Variants in CPS1 observed in about 807,000 individuals in gnomAD.
CPS1 encodes the protein carbamoyl-phosphate synthase [ammonia], mitochondrial.
CPS1 carries 109 observed loss-of-function variants against 174.6 expected under a neutral mutation model. The observed-to-expected ratio is 0.62, with a 90% CI of 0.53 to 0.73. The LOEUF (loss-of-function observed/expected upper bound fraction) is 0.73. Ranked by LOEUF, CPS1 falls within the 30% of genes least tolerant of loss-of-function variation. CPS1 has a pLI of 0.00. For missense variants in CPS1, 1,689 were observed against 1,821.9 expected (o/e 0.93, Z 1.33); for synonymous variants, 637 against 632.0 (o/e 1.01, Z -0.12).
At chr2:210,588,244 C>T (rs553358575) in intron 7 of CPS1, 97 bp downstream of exon 7, 2 of 1,002,592 alleles carry the variant, frequency 2.0e-6, no homozygotes, top group South Asian at 2.6e-5. Context: ...TGCATTCTTT[C>T]AGAATGTCAG....
rs773609569 is a variant in CPS1 at position 210,642,643 on chromosome 2, T to C, written c.3119T>C (p.Ile1040Thr). 6.2e-7 allele frequency: 1 copy of C among 1,613,570 alleles called. No homozygotes were observed. Among genetic ancestry groups the C allele is most frequent in the Non-Finnish European group, 8.5e-7 (1 of 1,179,864 alleles). Residue 1040 changes from isoleucine to threonine, a missense_variant, in exon 25 of 38, where the codon ATC becomes ACC. Physicochemically the swap from Ile to Thr is moderately conservative, Grantham distance 89. Transcript: ENST00000233072. ...LYFEELSLER[I>T]LDIYHQEACG... ...TTTGAAGAGTTGTCCTTGGAGAGAA[T>C]CCTAGACATCTACCATCAGGAGGTA...
chr2:210,535,941 T>G (rs905534353), intron 1 of CPS1, among the ~76,000 whole-genome samples: 2 of 149,814 alleles, frequency 1.3e-5, no homozygotes, highest in African/African-American at 4.9e-5. Flanking sequence ...CCATCTAAAG[T>G]AGGTGCCAAC....
chr2:210,489,693 G>A (rs1040569406), intron 1 of CPS1, among the ~76,000 whole-genome samples: 27 of 151,940 alleles, frequency 1.8e-4, no homozygotes, highest in African/African-American at 6.5e-4. Context: ...ACAAGCTGTG[G>A]GACTTCAATC....
intron 19 of CPS1, among the ~76,000 whole-genome samples, chr2:210,609,495 T>C (rs1699034576): frequency 6.6e-6 from 1 of 152,016 alleles, no homozygotes; most frequent in African/African-American, 2.4e-5. Flanking sequence ...ATTCTTATAA[T>C]ACCCCCTCTT....
intron 1 of CPS1, among the ~76,000 whole-genome samples, chr2:210,570,977 A>G (rs1559081833): frequency 1.3e-5 from 2 of 151,978 alleles, no homozygotes; most frequent in Non-Finnish European, 2.9e-5. Flanking sequence ...TCTGTCTTGA[A>G]TTGTAATTAG....
chr2:210,638,643 A>G (rs1415004794), intron 22 of CPS1, among the ~76,000 whole-genome samples: 2 of 152,088 alleles, frequency 1.3e-5, no homozygotes, highest in Non-Finnish European at 1.5e-5. Flanking sequence ...GGCCCTTGAG[A>G]GTGGAATTGA....
intron 1 of CPS1, among the ~76,000 whole-genome samples, chr2:210,491,009 C>T (rs1694859571): frequency 5.3e-5 from 8 of 152,088 alleles, no homozygotes; most frequent in Admixed American, 5.2e-4. Context: ...TGGAAAATCC[C>T]CTTGAGGACT....
intron 34 of CPS1, among the ~76,000 whole-genome samples, chr2:210,669,180 A>C (rs1320628975): frequency 1.3e-5 from 2 of 152,166 alleles, no homozygotes; most frequent in Non-Finnish European, 2.9e-5. Context: ...TATAAATCTT[A>C]GGGCAAAATG....
chr2:210,615,219 T>A (rs935504351), intron 20 of CPS1, among the ~76,000 whole-genome samples: 1 of 151,200 alleles, frequency 6.6e-6, no homozygotes, highest in Non-Finnish European at 1.5e-5. Context: ...CGACAGCTAA[T>A]TGTGCCTTTA....
chr2:210,556,634 G>T lies in CPS1; in HGVS notation c.-100G>T, dbSNP rs144807343. 185 of 1,563,256 alleles carry T rather than the reference G, an allele frequency of 1.2e-4. 2 individuals carry two copies. The African/African-American group carries it at 2.2e-3, about 18-fold the overall frequency. ...GTGCAGTCAGCCTTAAACACTGACT[G>T]CACCCCTCCCAGATTTCTTTTACAT... On this transcript the variant is annotated 5_prime_UTR_variant, in exon 1 of 38. Transcript: ENST00000233072.
intron 28 of CPS1, among the ~76,000 whole-genome samples, chr2:210,651,606 T>TC (rs1032417359): frequency 5.9e-5 from 9 of 152,210 alleles, no homozygotes; most frequent in African/African-American, 2.2e-4. Flanking sequence ...CTTGTCTGCC[T>TC]CGAACACTCC....
rs71043996 is a variant in CPS1 at position 210,512,736 on chromosome 2, TTATATATATATA to T, written c.3+35008_3+35019del. ...GATACATACATATCCTCCAGTAGTT[TTATATATATATA>T]TATATATATATATATATATATATAT... On this transcript the variant is annotated intron_variant, in intron 1 of 38. Transcript: ENST00000430249. 4.8e-3 allele frequency among the ~76,000 whole-genome samples: 222 copies of T among 46,736 alleles called. 3 individuals are homozygous for T. The highest frequency in any genetic ancestry group is 0.014 in the East Asian group (18 of 1,324). The allele number at this position is 46,736 out of a possible 152,430, so 30.7% of individuals were successfully genotyped here. A position where few individuals can be genotyped will look rare whatever the true frequency, so the allele number is the denominator to read the frequency against.
chr2:210,560,203 C>A (rs1159269396), intron 1 of CPS1, among the ~76,000 whole-genome samples: 1 of 151,836 alleles, frequency 6.6e-6, no homozygotes, highest in African/African-American at 2.4e-5. Context: ...AGAATAGACA[C>A]CATAATAACC....
chr2:210,606,842 A>G lies in CPS1; in HGVS notation c.2093A>G (p.Asn698Ser). 1 of 1,612,678 alleles carries G rather than the reference A, an allele frequency of 6.2e-7. No individual in the cohort carries two copies. Among genetic ancestry groups the G allele is most frequent in the Non-Finnish European group, 8.5e-7 (1 of 1,179,126 alleles). The change falls in exon 18 of 38, where the codon AAC becomes AGC. Residue 698 changes from asparagine (N) to serine (S), a missense_variant. By Grantham distance (46) the Asn-to-Ser change is conservative. Coordinates refer to ENST00000233072, the MANE Select transcript of CPS1 (RefSeq NM_001875.5). ...CACTTGGGCATTGTGGGTGAATGCA[A>G]CATTCAGTTTGCCCTTCATCCTACC... is the stretch of plus-strand genomic sequence containing the variant. Reference protein sequence around the residue: ...VRHLGIVGECNIQFALHPTSM... With the variant: ...VRHLGIVGECSIQFALHPTSM...
intron 5 of CPS1, 29 bp downstream of exon 5, chr2:210,579,799 T>A (rs760220931): frequency 6.3e-7 from 1 of 1,581,784 alleles, no homozygotes; most frequent in East Asian, 2.2e-5. Context: ...GCCAAATCTA[T>A]GTTTCTTCGG....
chr2:210,487,772 A>G (rs1163543159), intron 1 of CPS1, among the ~76,000 whole-genome samples: 1 of 151,958 alleles, frequency 6.6e-6, no homozygotes, highest in Non-Finnish European at 1.5e-5. Context: ...AAGTGTTCGG[A>G]TAGTAAATTT....
intron 1 of CPS1, among the ~76,000 whole-genome samples, chr2:210,484,883 G>A (rs1283582040): frequency 6.6e-6 from 1 of 152,128 alleles, no homozygotes; most frequent in Non-Finnish European, 1.5e-5. Context: ...TTTTCTGTGT[G>A]GCATGCAGCA....
chr2:210,593,064 T>G, intron 11 of CPS1, 108 bp downstream of exon 11: 2 of 959,724 alleles, frequency 2.1e-6, no homozygotes, highest in Non-Finnish European at 1.7e-6. Flanking sequence ...CAGAACATTC[T>G]CAAGAAGAGT....
chr2:210,513,487 C>G (rs1344781035), intron 1 of CPS1, among the ~76,000 whole-genome samples: 3 of 151,666 alleles, frequency 2.0e-5, no homozygotes, highest in African/African-American at 7.3e-5. Context: ...TGTATGTCTT[C>G]TTGTGAGAAA....
Sources: gnomAD v4.1 joint callset for allele counts (sites outside exome capture counted in the v4.1 genomes callset) on GRCh38, gnomAD v4.1.1 for gene constraint, MANE v1.5 for transcripts, NCBI Gene and HGNC (gene_info 2026-07-23, HGNC 2026-07-21) for gene names.